LMOD3: variants seen among roughly 807,000 people sequenced by gnomAD.
The protein encoded by LMOD3 is leiomodin 3, also known as leiomodin-3.
LMOD3 carries 31 observed loss-of-function variants against 41.8 expected under a neutral mutation model. That is an observed-to-expected ratio of 0.74 (90% CI 0.56 to 1.00). The LOEUF is 1.00. Ranked by LOEUF, LMOD3 falls within the 50% of genes least tolerant of loss-of-function variation. LMOD3 has a pLI of 0.00. For missense variants in LMOD3, 755 were observed against 679.5 expected (o/e 1.11, Z -1.23); for synonymous variants, 292 against 241.9 (o/e 1.21, Z -1.92).
intron 1 of LMOD3, among the ~76,000 whole-genome samples, chr3:69,120,740 C>T (rs1335586473): frequency 6.6e-6 from 1 of 151,520 alleles, no homozygotes. Context: ...GTTTACTATC[C>T]CAGTTTCTTG....
chr3:69,109,721 G>T lies in LMOD3; in HGVS notation c.1657-600C>A, dbSNP rs1010844159. ...TTTTTGTATTTTTAGTAGAGACAGG[G>T]TTTCACCATGTTGGCCTGGCTGGTC... On this transcript the variant is annotated intron_variant, in intron 2 of 2. Transcript: ENST00000420581. 3.9e-5 allele frequency among the ~76,000 whole-genome samples: 6 copies of T among 151,928 alleles called. No individual in the cohort carries two copies. In the South Asian group the frequency reaches 1.0e-3, roughly 26 times the overall value.
rs775808290 is a variant in LMOD3 at position 69,119,036 on chromosome 3, T to A, written c.1319A>T (p.Asp440Val). 6.2e-7 allele frequency: 1 copy of A among 1,613,742 alleles called. No homozygotes were observed. The highest frequency in any genetic ancestry group is 2.2e-5 in the East Asian group (1 of 44,870). ...MWELLGGPKPDSRMQEFFQPP... is the reference protein window; with the variant it reads ...MWELLGGPKPVSRMQEFFQPP... ...CTGGAAGAATTCCTGCATTCTGGAATCTGGCTTGGGTCCTCCCAACAGCTC... is the reference window on the plus strand; with the variant it reads ...CTGGAAGAATTCCTGCATTCTGGAAACTGGCTTGGGTCCTCCCAACAGCTC... The change falls in exon 2 of 3, where the codon GAT becomes GTT. Residue 440 changes from aspartate to valine, a missense_variant. Coordinates refer to ENST00000420581, the MANE Select transcript of LMOD3 (RefSeq NM_198271.5).
chr3:69,116,688 A>C (rs1257180619), intron 2 of LMOD3, among the ~76,000 whole-genome samples: 1 of 152,120 alleles, frequency 6.6e-6, no homozygotes, highest in Non-Finnish European at 1.5e-5. Flanking sequence ...TTAAACCTAC[A>C]CTGTAAGCTC....
At position 69,119,998 on chromosome 3, in the gene LMOD3, T is replaced by C. The variant is rs764051736; in HGVS notation, c.357A>G (p.Leu119=). The C allele has an allele frequency of 6.2e-7, 1 of 1,607,784 alleles. No homozygotes were observed. Among genetic ancestry groups the C allele is most frequent in the East Asian group, 2.2e-5 (1 of 44,754 alleles). The stretch of plus-strand genomic sequence containing the variant: ...CTATTTCATTATTGAGCTTTTCTTT[T>C]AAATACTGGGCCATATTTTTATTAC... ...EKRNKNMAQY[L]KEKLNNEIVA... Residue 119 remains leucine (L), a synonymous_variant, in exon 2 of 3, where the codon TTA becomes TTG. Coordinates refer to ENST00000420581, the MANE Select transcript of LMOD3 (RefSeq NM_198271.5).
chr3:69,108,923 ACTT>A lies in LMOD3; in HGVS notation c.*169_*171del, dbSNP rs2092335375. 1 of 548,080 alleles carries A rather than the reference ACTT, an allele frequency of 1.8e-6. No individual in the cohort carries two copies. The highest frequency in any genetic ancestry group is 3.1e-5 in the East Asian group (1 of 32,076). 34.0% of individuals were successfully genotyped at this position (548,080 alleles called of 1,614,324 possible). The stretch of plus-strand genomic sequence containing the variant: ...CCTTCCACCTTCCTCTTCAGCCCCT[ACTT>A]CTTCATGGCCCAAACATTCTGCCTT... On this transcript the variant is annotated 3_prime_UTR_variant, in exon 3 of 3. Coordinates refer to ENST00000420581, the MANE Select transcript of LMOD3 (RefSeq NM_198271.5).
At chr3:69,111,884 A>G (rs764474904) in intron 2 of LMOD3, among the ~76,000 whole-genome samples, 6 of 152,250 alleles carry the variant, frequency 3.9e-5, no homozygotes, top group Non-Finnish European at 8.8e-5. Flanking sequence ...CTGGTTAACT[A>G]TTTGGAAAAG....
chr3:69,107,697 G>C lies in LMOD3; in HGVS notation c.*1398C>G, dbSNP rs1397072207. Reference sequence around the variant, plus strand: ...TCACCATGTTGGCCAGGCTGGTCTCGAACTCCTGACCTCTGGAGATCCTCC... The same window carrying C: ...TCACCATGTTGGCCAGGCTGGTCTCCAACTCCTGACCTCTGGAGATCCTCC... On this transcript the variant is annotated 3_prime_UTR_variant, in exon 3 of 3. Coordinates refer to ENST00000420581, the MANE Select transcript of LMOD3 (RefSeq NM_198271.5). 6.6e-6 allele frequency: 1 copy of C among 151,572 alleles called. No individual in the cohort carries two copies. The highest frequency in any genetic ancestry group is 2.1e-4 in the South Asian group (1 of 4,770). 9.4% of individuals were successfully genotyped at this position (151,572 alleles called of 1,614,324 possible).
intron 1 of LMOD3, among the ~76,000 whole-genome samples, chr3:69,120,565 A>G (rs891629803): frequency 1.3e-5 from 2 of 151,672 alleles, no homozygotes; most frequent in Non-Finnish European, 2.9e-5. Context: ...ACATAACATA[A>G]TGTATGGGAA....
intron 2 of LMOD3, among the ~76,000 whole-genome samples, chr3:69,113,459 A>C (rs2092358268): frequency 1.3e-5 from 2 of 152,232 alleles, no homozygotes; most frequent in African/African-American, 4.8e-5. Flanking sequence ...GAGGCAAAGA[A>C]GAAATGGCCA....
chr3:69,117,052 C>G (rs2092377809), intron 2 of LMOD3, among the ~76,000 whole-genome samples: 1 of 152,216 alleles, frequency 6.6e-6, no homozygotes, highest in African/African-American at 2.4e-5. Context: ...ACTAGTTTCT[C>G]TCAAACAATA....
intron 2 of LMOD3, among the ~76,000 whole-genome samples, chr3:69,115,728 G>A (rs1413920770): frequency 6.6e-6 from 1 of 152,002 alleles, no homozygotes; most frequent in Non-Finnish European, 1.5e-5. Flanking sequence ...CACTTGATTG[G>A]CTAAAACTAT....
chr3:69,122,221 C>T lies in LMOD3; in HGVS notation c.166G>A (p.Asp56Asn), dbSNP rs1469953832. 1.9e-5 allele frequency: 31 copies of T among 1,613,478 alleles called. No homozygotes were observed. The highest frequency in any genetic ancestry group is 4.5e-5 in the East Asian group (2 of 44,814). The change falls in exon 1 of 3, where the codon GAT becomes AAT. Residue 56 changes from aspartate (D) to asparagine (N), a missense_variant. Coordinates refer to ENST00000420581, the MANE Select transcript of LMOD3 (RefSeq NM_198271.5). ...PSLPVGMIQK[D>N]QTDKPPTGNF... ...CCTGTCGGTGGCTTGTCAGTTTGAT[C>T]TTTCTGAATCATTCCCACGGGAAGG... is the stretch of plus-strand genomic sequence containing the variant.
intron 2 of LMOD3, among the ~76,000 whole-genome samples, chr3:69,116,458 G>A (rs991667228): frequency 2.0e-4 from 30 of 152,108 alleles, no homozygotes; most frequent in African/African-American, 4.8e-4. Context: ...TTCACTTTGC[G>A]GCATGTTTTT....
intron 2 of LMOD3, among the ~76,000 whole-genome samples, chr3:69,111,237 C>G (rs2092348626): frequency 1.3e-5 from 2 of 152,172 alleles, no homozygotes; most frequent in Admixed American, 1.3e-4. Context: ...GAATGTTTTT[C>G]CAATATTCTG....
At chr3:69,112,530 C>T (rs1173944224) in intron 2 of LMOD3, among the ~76,000 whole-genome samples, 1 of 152,132 alleles carries the variant, frequency 6.6e-6, no homozygotes, top group African/African-American at 2.4e-5. Context: ...GCAGAGTACC[C>T]CTAACGTTTT....
chr3:69,115,401 G>A (rs959960641), intron 2 of LMOD3, among the ~76,000 whole-genome samples: 9 of 151,836 alleles, frequency 5.9e-5, no homozygotes, highest in Non-Finnish European at 1.3e-4. Flanking sequence ...AGGATCACTT[G>A]AGCCCTGGAG....
chr3:69,109,020 C>T lies in LMOD3; in HGVS notation c.*75G>A. The T allele has an allele frequency of 7.8e-7, 1 of 1,276,832 alleles. No individual in the cohort carries two copies. Among genetic ancestry groups the T allele is most frequent in the Non-Finnish European group, 1.1e-6 (1 of 900,126 alleles). 79.1% of individuals were successfully genotyped at this position (1,276,832 alleles called of 1,614,324 possible). ...CCACGTGGATCCTAAAGTATTGCTG[C>T]TGACATAGTCTCCATGCTGTAATCC... is the stretch of plus-strand genomic sequence containing the variant. On this transcript the variant is annotated 3_prime_UTR_variant, in exon 3 of 3. Coordinates refer to ENST00000420581, the MANE Select transcript of LMOD3 (RefSeq NM_198271.5).
chr3:69,113,297 A>G (rs1299199506), intron 2 of LMOD3, among the ~76,000 whole-genome samples: 1 of 152,186 alleles, frequency 6.6e-6, no homozygotes, highest in Non-Finnish European at 1.5e-5. Flanking sequence ...ACCCTGAGTG[A>G]TCTAAAGGGA....
chr3:69,119,098 C>G lies in LMOD3; in HGVS notation c.1257G>C (p.Met419Ile), dbSNP rs75713718. The change falls in exon 2 of 3, where the codon ATG becomes ATC. Residue 419 changes from methionine (M) to isoleucine (I), a missense_variant. By Grantham distance (10) the Met-to-Ile change is conservative. Transcript: ENST00000420581. ...QLKEQKKLIA[M>I]LENGLGLPPG... ...GGGGCAGCCCCAACCCATTCTCTAA[C>G]ATGGCTATCAGCTTCTTCTGTTCCT... The G allele has an allele frequency of 6.8e-4, 1,093 of 1,613,846 alleles. 5 individuals carry two copies. The African/African-American group carries it at 0.012, about 18-fold the overall frequency.
Sources: allele counts gnomAD v4.1 joint callset (sites outside exome capture counted in the v4.1 genomes callset), GRCh38; gene constraint gnomAD v4.1.1; transcripts MANE v1.5; gene names NCBI Gene and HGNC (gene_info 2026-07-23, HGNC 2026-07-21).